LRBA: variants seen among roughly 807,000 people sequenced by gnomAD.
LRBA encodes the protein LPS responsive beige-like anchor protein.
Under a neutral mutation model 330.0 loss-of-function variants are expected in LRBA, and 176 were observed. That is an observed-to-expected ratio of 0.53 (90% CI 0.47 to 0.60). LRBA has a LOEUF of 0.60. LRBA is among the 20% of genes least tolerant of loss of function. LRBA has a pLI of 0.00. For missense variants in LRBA, 3,259 were observed against 3,444.8 expected (o/e 0.95, Z 1.35); for synonymous variants, 1,230 against 1,193.0 (o/e 1.03, Z -0.64).
At chr4:150,520,244 G>C (rs1325565602) in intron 40 of LRBA, among the ~76,000 whole-genome samples, 2 of 152,104 alleles carry the variant, frequency 1.3e-5, no homozygotes, top group Non-Finnish European at 2.9e-5. Context: ...TTTAAAGGCA[G>C]CTTGTCAATT....
At chr4:150,700,717 C>T (rs2126994096) in intron 36 of LRBA, among the ~76,000 whole-genome samples, 1 of 151,784 alleles carries the variant, frequency 6.6e-6, no homozygotes. Context: ...TACAGCTGTG[C>T]CAAAATGTTT....
intron 37 of LRBA, among the ~76,000 whole-genome samples, chr4:150,611,653 T>C (rs912190962): frequency 3.3e-5 from 5 of 152,210 alleles, no homozygotes; most frequent in African/African-American, 9.6e-5. Context: ...AGCAAGGCTA[T>C]TAGACTAAGG....
chr4:150,637,766 T>G (rs1383325764), intron 37 of LRBA, among the ~76,000 whole-genome samples: 1 of 152,142 alleles, frequency 6.6e-6, no homozygotes, highest in Non-Finnish European at 1.5e-5. Context: ...TGCGGACACC[T>G]TGACTAAAGC....
intron 44 of LRBA, among the ~76,000 whole-genome samples, chr4:150,460,057 G>A (rs1754574320): frequency 6.6e-6 from 1 of 151,398 alleles, no homozygotes; most frequent in Admixed American, 6.6e-5. Flanking sequence ...ACCCCCAAGA[G>A]TGTTCTTTTC....
intron 47 of LRBA, among the ~76,000 whole-genome samples, chr4:150,357,101 A>C (rs868229223): frequency 6.6e-6 from 1 of 152,030 alleles, no homozygotes; most frequent in Non-Finnish European, 1.5e-5. Flanking sequence ...AAATCACTAA[A>C]AGGGGTTCTA....
chr4:150,591,614 G>A (rs1450741230), intron 38 of LRBA, among the ~76,000 whole-genome samples: 1 of 152,080 alleles, frequency 6.6e-6, no homozygotes, highest in Non-Finnish European at 1.5e-5. Context: ...GCACCCCGGG[G>A]GCAAACATAA....
intron 20 of LRBA, among the ~76,000 whole-genome samples, chr4:150,869,514 T>C (rs189566839): frequency 5.9e-5 from 9 of 151,670 alleles, no homozygotes; most frequent in African/African-American, 2.2e-4. Flanking sequence ...CATGGCGAAA[T>C]CCCATCTCCA....
At chr4:150,428,216 T>C (rs1482893112) in intron 46 of LRBA, among the ~76,000 whole-genome samples, 2 of 152,208 alleles carry the variant, frequency 1.3e-5, no homozygotes, top group South Asian at 4.1e-4. Flanking sequence ...TAACTGTAAA[T>C]ATAGAATATA....
At chr4:150,795,192 T>C (rs1344125222) in intron 34 of LRBA, among the ~76,000 whole-genome samples, 1 of 152,114 alleles carries the variant, frequency 6.6e-6, no homozygotes, top group Non-Finnish European at 1.5e-5. Context: ...TCAAAAATGA[T>C]ATTAATGTCA....
At chr4:150,936,571 C>A (rs773603507) in intron 2 of LRBA, among the ~76,000 whole-genome samples, 5 of 151,750 alleles carry the variant, frequency 3.3e-5, no homozygotes, top group Non-Finnish European at 7.4e-5. Context: ...TAAGGCCATA[C>A]AAAACTAGTA....
intron 46 of LRBA, among the ~76,000 whole-genome samples, chr4:150,432,518 C>T (rs1338361972): frequency 3.3e-5 from 4 of 122,826 alleles, no homozygotes; most frequent in Non-Finnish European, 4.7e-5. Flanking sequence ...AGTGCAGTGG[C>T]GCTATCTCGG....
At chr4:150,916,583 G>C in intron 6 of LRBA, 34 bp downstream of exon 6, 1 of 1,606,032 alleles carries the variant, frequency 6.2e-7, no homozygotes, top group Non-Finnish European at 8.5e-7. Flanking sequence ...TTCAAAGTAA[G>C]GTTTTAACAC....
chr4:150,816,557 G>A (rs1236140024), intron 31 of LRBA, among the ~76,000 whole-genome samples: 1 of 151,830 alleles, frequency 6.6e-6, no homozygotes, highest in African/African-American at 2.4e-5. Flanking sequence ...TAGAAGGAGA[G>A]ATGGACAAAA....
At chr4:150,536,858 C>T (rs565927742) in intron 40 of LRBA, among the ~76,000 whole-genome samples, 7 of 152,290 alleles carry the variant, frequency 4.6e-5, no homozygotes, top group African/African-American at 1.7e-4. Flanking sequence ...AACAACATTC[C>T]GTTCTCATGA....
At chr4:150,278,347 G>A (rs887834844) in intron 55 of LRBA, among the ~76,000 whole-genome samples, 1 of 152,134 alleles carries the variant, frequency 6.6e-6, no homozygotes, top group Non-Finnish European at 1.5e-5. Context: ...CTGCAGACAT[G>A]CTAATAAGCC....
At chr4:150,690,223 G>A (rs1783994305) in intron 36 of LRBA, among the ~76,000 whole-genome samples, 1 of 152,014 alleles carries the variant, frequency 6.6e-6, no homozygotes. Context: ...CAGAAGGTAG[G>A]CCGGGCGCTG....
intron 34 of LRBA, among the ~76,000 whole-genome samples, chr4:150,773,406 G>A (rs1159573320): frequency 1.3e-5 from 2 of 152,184 alleles, no homozygotes; most frequent in South Asian, 2.1e-4. Context: ...TAGGTGCCAG[G>A]GAATGTGTCA....
chr4:150,487,186 G>A (rs998616962), intron 42 of LRBA, among the ~76,000 whole-genome samples: 9 of 151,038 alleles, frequency 6.0e-5, no homozygotes, highest in Admixed American at 4.6e-4. Flanking sequence ...TGGTATTTCT[G>A]GTTATACGTG....
At chr4:150,905,198 A>G (rs993944363) in intron 13 of LRBA, among the ~76,000 whole-genome samples, 3 of 151,804 alleles carry the variant, frequency 2.0e-5, no homozygotes, top group African/African-American at 7.3e-5. Context: ...ACAAAACTGA[A>G]AAAAAAAATT....
Sources: allele counts gnomAD v4.1 joint callset (sites outside exome capture counted in the v4.1 genomes callset), GRCh38; gene constraint gnomAD v4.1.1; transcripts MANE v1.5; gene names NCBI Gene and HGNC (gene_info 2026-07-23, HGNC 2026-07-21).